Variants in KIRREL3 observed in about 807,000 individuals in gnomAD.
KIRREL3 encodes the protein kirre like nephrin family adhesion molecule 3.
In KIRREL3, 36 loss-of-function variants were observed where a neutral mutation model predicts 89.7. That is an observed-to-expected ratio of 0.40 (90% confidence interval 0.31 to 0.53). The LOEUF is 0.53. KIRREL3 is among the 20% of genes least tolerant of loss of function. KIRREL3 has a pLI of 0.49. For missense variants in KIRREL3, 864 were observed against 1,056.6 expected, an observed-to-expected ratio of 0.82 and a Z score of 2.53; for synonymous variants, 445 against 441.4, an observed-to-expected ratio of 1.01 and a Z score of -0.10.
chr11:126,678,619 A>T (rs1208140240), intron 1 of KIRREL3, among the ~76,000 whole-genome samples: 6 of 150,948 alleles, frequency 4.0e-5, no homozygotes, highest in Non-Finnish European at 7.4e-5. Flanking sequence ...AAAAAAAAAA[A>T]AAAAAAAGAA....
At chr11:126,863,484 T>C (rs1295253872) in intron 1 of KIRREL3, among the ~76,000 whole-genome samples, 1 of 51,328 alleles carries the variant, frequency 1.9e-5, no homozygotes, top group Non-Finnish European at 3.8e-5. Context: ...AGTGCGTGTG[T>C]GAGTGCGTGT....
At chr11:126,543,485 G>T (rs917301451) in intron 2 of KIRREL3, among the ~76,000 whole-genome samples, 1 of 152,190 alleles carries the variant, frequency 6.6e-6, no homozygotes, top group African/African-American at 2.4e-5. Flanking sequence ...GTGTGGTAGA[G>T]GTAGGGTTTG....
chr11:126,806,457 A>G (rs1054969295), intron 1 of KIRREL3, among the ~76,000 whole-genome samples: 10 of 152,110 alleles, frequency 6.6e-5, no homozygotes, highest in Non-Finnish European at 1.5e-5. Flanking sequence ...CATGACAGGG[A>G]GCTCAAAAAG....
Position 126,904,503 on chromosome 11 carries a change from G to T in KIRREL3, c.55+95952C>A, listed in dbSNP as rs1946496966. Reference sequence around the variant, plus strand: ...TGGTCAGAAAATCTTTTATGAATTAGAAGTCATTCCTAATAACATTTCCTT... The same window carrying T: ...TGGTCAGAAAATCTTTTATGAATTATAAGTCATTCCTAATAACATTTCCTT... On this transcript the variant is annotated intron_variant, in intron 1 of 16. Coordinates refer to ENST00000525144, the MANE Select transcript of KIRREL3 (RefSeq NM_032531.4). The surrounding 1 kb of genome is among the most constrained non-coding windows in gnomAD (Gnocchi z 4.4). 6.6e-6 allele frequency among the ~76,000 whole-genome samples: 1 copy of T among 152,188 alleles called. No individual in the cohort carries two copies. The highest frequency in any genetic ancestry group is 2.4e-5 in the African/African-American group (1 of 41,434).
chr11:126,755,743 C>G lies in KIRREL3; in HGVS notation c.56-192831G>C, dbSNP rs1565705349. On this transcript the variant is annotated intron_variant, in intron 1 of 16. Transcript: ENST00000525144. This position sits in a 1 kb window ranked among gnomAD's most constrained non-coding sequence, Gnocchi z 4.3. ...GTGTCTTCCTGCCAGCTTCAAGCAA[C>G]TCTTTCCATGCCCCTTCTTTGCACT... Among the ~76,000 whole-genome samples, 1 of 152,024 alleles carries G rather than the reference C, an allele frequency of 6.6e-6. No individual in the cohort carries two copies. Among genetic ancestry groups the G allele is most frequent in the African/African-American group, 2.4e-5 (1 of 41,382 alleles).
chr11:126,909,056 A>G lies in KIRREL3; in HGVS notation c.55+91399T>C, dbSNP rs535321635. Among the ~76,000 whole-genome samples the G allele has an allele frequency of 6.6e-6, 1 of 152,184 alleles. No individual in the cohort carries two copies. Among genetic ancestry groups the G allele is most frequent in the South Asian group, 2.1e-4 (1 of 4,814 alleles). Reference sequence around the variant, plus strand: ...TTTTATTGTTGATTTGTATTTTTCAAATATTGTCTATTCACTTGGTTGAAT... The same window carrying G: ...TTTTATTGTTGATTTGTATTTTTCAGATATTGTCTATTCACTTGGTTGAAT... On this transcript the variant is annotated intron_variant, in intron 1 of 16. Transcript: ENST00000525144. This position sits in a 1 kb window ranked among gnomAD's most constrained non-coding sequence, Gnocchi z 4.5.
At chr11:126,473,994 G>C (rs1956998935) in intron 4 of KIRREL3, among the ~76,000 whole-genome samples, 1 of 151,854 alleles carries the variant, frequency 6.6e-6, no homozygotes, top group Non-Finnish European at 1.5e-5. Context: ...AGTAGAGTTG[G>C]GGTTTCAACA....
intron 1 of KIRREL3, among the ~76,000 whole-genome samples, chr11:126,881,422 CA>C (rs35363576): frequency 0.61 from 93,298 of 151,968 alleles, 30,098 homozygotes; most frequent in African/African-American, 0.81. Context: ...CTGGTTTAAT[CA>C]GTCAGCGTCA....
intron 1 of KIRREL3, among the ~76,000 whole-genome samples, chr11:126,869,257 T>A (rs1231983704): frequency 2.0e-5 from 3 of 149,170 alleles, no homozygotes; most frequent in African/African-American, 7.4e-5. Context: ...GGTGGGGGAA[T>A]GAACACCCGG....
chr11:126,576,527 G>A lies in KIRREL3; in HGVS notation c.56-13615C>T, dbSNP rs1280390416. ...TCCCTTACACGTAATTTAGAGGTAG[G>A]AAGTTTCATGTGGGTTTGGGCAAAT... On this transcript the variant is annotated intron_variant, in intron 1 of 16. Transcript: ENST00000525144. The surrounding 1 kb of genome is among the most constrained non-coding windows in gnomAD (Gnocchi z 5.4). Among the ~76,000 whole-genome samples, 5 of 152,162 alleles carry A rather than the reference G, an allele frequency of 3.3e-5. No homozygotes were observed. The highest frequency in any genetic ancestry group is 1.2e-4 in the African/African-American group (5 of 41,426).
rs896382249 is a variant in KIRREL3, at chr11:126,747,991, G to A, written c.56-185079C>T. On this transcript the variant is annotated intron_variant, in intron 1 of 16. Coordinates refer to ENST00000525144, the MANE Select transcript of KIRREL3 (RefSeq NM_032531.4). This position sits in a 1 kb window ranked among gnomAD's most constrained non-coding sequence, Gnocchi z 4.7. ...CTCTTTCTCAGTCTCCATCTGACCC[G>A]TGCCTAGCATCGTGGCCCCTGTAAA... Among the ~76,000 whole-genome samples, 2 of 152,096 alleles carry A rather than the reference G, an allele frequency of 1.3e-5. No individual in the cohort carries two copies. The highest frequency in any genetic ancestry group is 1.3e-4 in the Admixed American group (2 of 15,282).
intron 1 of KIRREL3, among the ~76,000 whole-genome samples, chr11:126,861,860 T>TG (rs1336948541): frequency 6.6e-6 from 1 of 152,212 alleles, no homozygotes; most frequent in Non-Finnish European, 1.5e-5. Context: ...CAGGGATGTC[T>TG]GGGGGCACAT....
chr11:126,863,560 TGA>T (rs1009668943), intron 1 of KIRREL3, among the ~76,000 whole-genome samples: 3 of 147,558 alleles, frequency 2.0e-5, no homozygotes, highest in Admixed American at 1.3e-4. Flanking sequence ...AGTGCATGTG[TGA>T]GTGTGTTTGA....
intron 1 of KIRREL3, among the ~76,000 whole-genome samples, chr11:126,923,176 CTCTTCTTCTTCTCTTCTTCTTCTTCT>C (rs1947458464): frequency 5.6e-5 from 1 of 17,988 alleles, no homozygotes; most frequent in Non-Finnish European, 1.1e-4. Flanking sequence ...TCTTCTTCTT[CTCTTCTTCTTCTCTTCTTCTTCTTCT>C]TCTTCTTCTT....
rs1034090287 is a variant in KIRREL3, at chr11:126,773,739, T to A, written c.56-210827A>T. On this transcript the variant is annotated intron_variant, in intron 1 of 16. Coordinates refer to ENST00000525144, the MANE Select transcript of KIRREL3 (RefSeq NM_032531.4). The surrounding 1 kb of genome is among the most constrained non-coding windows in gnomAD (Gnocchi z 4.2). Reference sequence around the variant, plus strand: ...AGCTCCTTGGAGGCTGGGGCCCACATATATTATTTATCTCTATTATTGCAG... The same window carrying A: ...AGCTCCTTGGAGGCTGGGGCCCACAAATATTATTTATCTCTATTATTGCAG... Among the ~76,000 whole-genome samples the A allele has an allele frequency of 1.3e-5, 2 of 152,194 alleles. No individual in the cohort carries two copies. Among genetic ancestry groups the A allele is most frequent in the Non-Finnish European group, 2.9e-5 (2 of 68,036 alleles).
intron 1 of KIRREL3, among the ~76,000 whole-genome samples, chr11:126,650,302 T>C (rs1439090010): frequency 1.3e-5 from 2 of 152,266 alleles, no homozygotes; most frequent in Non-Finnish European, 2.9e-5. Context: ...TGCAAATTTC[T>C]GCAGCCAGCT....
chr11:126,660,602 G>T (rs1565628308), intron 1 of KIRREL3, among the ~76,000 whole-genome samples: 1 of 136,478 alleles, frequency 7.3e-6, no homozygotes, highest in African/African-American at 2.9e-5. Context: ...CAAGTAAATG[G>T]CTGGAAATGT....
rs963632839 is a variant in KIRREL3 at position 126,906,450 on chromosome 11, A to G, written c.55+94005T>C. 6.6e-6 allele frequency among the ~76,000 whole-genome samples: 1 copy of G among 152,206 alleles called. No individual in the cohort carries two copies. Among genetic ancestry groups the G allele is most frequent in the Non-Finnish European group, 1.5e-5 (1 of 68,036 alleles). ...GCAGCAAGGTTACTCCCAAAGAGAC[A>G]TGTTACAGCCCCTACCAGATGGCAA... On this transcript the variant is annotated intron_variant, in intron 1 of 16. Transcript: ENST00000525144. This position sits in a 1 kb window ranked among gnomAD's most constrained non-coding sequence, Gnocchi z 4.1.
rs182050781 is a variant in KIRREL3 at position 126,558,347 on chromosome 11, C to T, written c.133+4488G>A. 4.7e-3 allele frequency among the ~76,000 whole-genome samples: 716 copies of T among 152,308 alleles called. 7 individuals carry two copies. The highest frequency in any genetic ancestry group is 0.016 in the African/African-American group (663 of 41,574). On this transcript the variant is annotated intron_variant, in intron 2 of 16. Coordinates refer to ENST00000525144, the MANE Select transcript of KIRREL3 (RefSeq NM_032531.4). This position sits in a 1 kb window ranked among gnomAD's most constrained non-coding sequence, Gnocchi z 4.0. The stretch of plus-strand genomic sequence containing the variant: ...TTTTCTGCAAATCAACTCAAGTTTT[C>T]CCTGTGTTCTGCCCTTTCTTCTCCC...
Sources: allele counts gnomAD v4.1 joint callset (sites outside exome capture counted in the v4.1 genomes callset), GRCh38; gene constraint gnomAD v4.1.1; non-coding constraint Gnocchi (gnomAD v3.1); transcripts MANE v1.5; gene names NCBI Gene and HGNC (gene_info 2026-07-23, HGNC 2026-07-21).